MAP3K7CL: variants seen among roughly 807,000 people sequenced by gnomAD.
MAP3K7CL encodes MAP3K7 C-terminal like, also known as MAP3K7 C-terminal-like protein.
A neutral mutation model predicts 18.6 loss-of-function variants in MAP3K7CL; 16 were observed. The observed-to-expected ratio is 0.86, with a 90% CI of 0.58 to 1.31. MAP3K7CL has a LOEUF of 1.31. MAP3K7CL is among the 50% of genes most tolerant of loss of function. The pLI is 0.00. For synonymous variants in MAP3K7CL, 65 were observed against 66.8 expected, an observed-to-expected ratio of 0.97 and a Z score of 0.13; for missense variants, 163 against 174.4, an observed-to-expected ratio of 0.93 and a Z score of 0.37.
chr21:29,091,582 T>C (rs1245968302), intron 2 of MAP3K7CL: 1 of 701,168 alleles, frequency 1.4e-6, no homozygotes, highest in Admixed American at 2.0e-5. Flanking sequence ...CCCAGGTAAT[T>C]GTCCCACCTC....
chr21:29,130,594 C>T, upstream of MAP3K7CL: 1 of 985,430 alleles, frequency 1.0e-6, no homozygotes, highest in African/African-American at 1.7e-5. Flanking sequence ...TTTATCAATG[C>T]CTCTGACAGG....
intron 3 of MAP3K7CL, 97 bp from the exon 4 acceptor site, chr21:29,159,844 G>GA (rs2087500108): frequency 2.3e-6 from 2 of 856,018 alleles, no homozygotes; most frequent in East Asian, 2.5e-5. Context: ...AAAAGAAGAA[G>GA]AAAAAACCTT....
chr21:29,174,621 T>G (rs1374159676), intron 4 of MAP3K7CL, 91 bp from the exon 5 acceptor site: 6 of 1,446,170 alleles, frequency 4.1e-6, no homozygotes. Context: ...GCAGAATGAA[T>G]CATTCTACTT....
At chr21:29,092,684 G>T in intron 4 of MAP3K7CL, 1 of 1,358,026 alleles carries the variant, frequency 7.4e-7, no homozygotes, top group East Asian at 2.3e-5. Flanking sequence ...CATTCTGCAG[G>T]GATCTGGGTC....
chr21:29,139,643 G>C (rs966105676), intron 2 of MAP3K7CL, among the ~76,000 whole-genome samples: 16 of 152,178 alleles, frequency 1.1e-4, no homozygotes, highest in African/African-American at 3.6e-4. Context: ...GGAGTGCAGT[G>C]GTGTGATCTC....
At chr21:29,091,720 C>G in exon 3 of MAP3K7CL, 2 of 702,472 alleles carry the variant, frequency 2.8e-6, no homozygotes, top group South Asian at 3.0e-5. Context: ...TGGCTTCAAG[C>G]AGTCCTCCTG....
At chr21:29,100,700 C>CTTTTT (rs34749282) in intron 4 of MAP3K7CL, among the ~76,000 whole-genome samples, 2 of 68,650 alleles carry the variant, frequency 2.9e-5, no homozygotes, top group Non-Finnish European at 5.0e-5. Flanking sequence ...AAACAGCAAA[C>CTTTTT]TTTTTTTTTT....
At chr21:29,092,552 T>A in exon 4 of MAP3K7CL, 1 of 1,614,122 alleles carries the variant, frequency 6.2e-7, no homozygotes, top group Non-Finnish European at 8.5e-7. Flanking sequence ...TCTATTACTG[T>A]GCCCGTGGAA....
chr21:29,104,250 CA>C (rs1227158229), intron 4 of MAP3K7CL, among the ~76,000 whole-genome samples: 1 of 152,154 alleles, frequency 6.6e-6, no homozygotes, highest in African/African-American at 2.4e-5. Flanking sequence ...AAACAACAGA[CA>C]TTTTTTTTTT....
At chr21:29,095,834 G>C (rs2086112990) in intron 4 of MAP3K7CL, among the ~76,000 whole-genome samples, 1 of 152,160 alleles carries the variant, frequency 6.6e-6, no homozygotes. Context: ...TGAGTAGCAA[G>C]ACTAAAGTGT....
chr21:29,146,573 A>ATC (rs1012957357), intron 2 of MAP3K7CL, among the ~76,000 whole-genome samples: 3 of 152,186 alleles, frequency 2.0e-5, no homozygotes, highest in African/African-American at 7.2e-5. Context: ...TTGGGACTGA[A>ATC]TCTCAGTTCC....
At chr21:29,098,184 C>T (rs1011584889) in intron 4 of MAP3K7CL, among the ~76,000 whole-genome samples, 1 of 152,222 alleles carries the variant, frequency 6.6e-6, no homozygotes, top group Non-Finnish European at 1.5e-5. Flanking sequence ...GTCTACACAG[C>T]ACCAGCAAGT....
chr21:29,163,076 A>G (rs1013633343), intron 4 of MAP3K7CL, among the ~76,000 whole-genome samples: 1 of 152,228 alleles, frequency 6.6e-6, no homozygotes, highest in South Asian at 2.1e-4. Context: ...ACGCCACTGC[A>G]TTCCAGCCTG....
At chr21:29,167,538 G>GTT in intron 4 of MAP3K7CL, among the ~76,000 whole-genome samples, 1 of 150,260 alleles carries the variant, frequency 6.7e-6, no homozygotes, top group African/African-American at 2.4e-5. Context: ...GAGATTTTAA[G>GTT]TTTTTTTTTT....
At chr21:29,104,432 G>A (rs1241706436) in intron 4 of MAP3K7CL, among the ~76,000 whole-genome samples, 2 of 152,190 alleles carry the variant, frequency 1.3e-5, no homozygotes, top group African/African-American at 2.4e-5. Context: ...GGTGATGCCT[G>A]TAGTAGTTGT....
intron 4 of MAP3K7CL, among the ~76,000 whole-genome samples, chr21:29,106,621 G>C (rs1430628058): frequency 1.3e-5 from 2 of 152,318 alleles, no homozygotes; most frequent in East Asian, 3.9e-4. Flanking sequence ...CCTCTGGCCA[G>C]AAAGTTTTAA....
At chr21:29,117,287 G>A (rs947420664) in intron 4 of MAP3K7CL, among the ~76,000 whole-genome samples, 3 of 152,278 alleles carry the variant, frequency 2.0e-5, no homozygotes, top group Middle Eastern at 3.4e-3. Flanking sequence ...TAGCTGGAGC[G>A]GTGATGGAAA....
intron 4 of MAP3K7CL, among the ~76,000 whole-genome samples, chr21:29,105,095 T>A (rs927878969): frequency 8.5e-5 from 13 of 152,192 alleles, no homozygotes; most frequent in Admixed American, 7.9e-4. Context: ...GCTGTCTGAT[T>A]TCCACCCAAG....
chr21:29,158,888 A>C (rs188483322), intron 3 of MAP3K7CL, among the ~76,000 whole-genome samples: 62 of 149,482 alleles, frequency 4.1e-4, no homozygotes, highest in African/African-American at 1.4e-3. Flanking sequence ...TTAAAAAAAA[A>C]CTCTTAACTA....
Sources: gnomAD v4.1 joint callset for allele counts (sites outside exome capture counted in the v4.1 genomes callset) on GRCh38, gnomAD v4.1.1 for gene constraint, MANE v1.5 for transcripts, NCBI Gene and HGNC (gene_info 2026-07-23, HGNC 2026-07-21) for gene names.